MYO10: variants seen among roughly 807,000 people sequenced by gnomAD.
The protein encoded by MYO10 is myosin X, also known as unconventional myosin-X.
In MYO10, 133 loss-of-function variants were observed where a neutral mutation model predicts 257.3. That is an observed-to-expected ratio of 0.52 (90% CI 0.45 to 0.60). The LOEUF is 0.60. Ranked by LOEUF, MYO10 falls within the 20% of genes least tolerant of loss-of-function variation. The probability of loss-of-function intolerance (pLI) is 0.00; values close to 1 mark genes in which losing one functional copy is unlikely to be tolerated. For synonymous variants in MYO10, 1,104 were observed against 1,028.6 expected (o/e 1.07, Z -1.40); for missense variants, 2,399 against 2,635.7 (o/e 0.91, Z 1.97).
Position 16,675,109 on chromosome 5 carries a change from T to C in MYO10, c.4708A>G (p.Ile1570Val). 3 of 1,613,984 alleles carry C rather than the reference T, an allele frequency of 1.9e-6. No individual in the cohort carries two copies. The highest frequency in any genetic ancestry group is 2.5e-6 in the Non-Finnish European group (3 of 1,179,892). ...TGCTGCAGGGAATTGAATATCTTGATGGCCTCATCCTGAAGGGTGGTATAG... is the reference window on the plus strand; with the variant it reads ...TGCTGCAGGGAATTGAATATCTTGACGGCCTCATCCTGAAGGGTGGTATAG... ...KGYTTLQDEA[I>V]KIFNSLQQLE... Residue 1570 changes from isoleucine to valine, a missense_variant, in exon 35 of 41, where the codon ATC (isoleucine) becomes GTC (valine). Coordinates refer to ENST00000513610, the MANE Select transcript of MYO10 (RefSeq NM_012334.3).
At chr5:16,677,012 T>G (rs140815355) in intron 33 of MYO10, among the ~76,000 whole-genome samples, 1 of 152,162 alleles carries the variant, frequency 6.6e-6, no homozygotes, top group Admixed American at 6.5e-5. Flanking sequence ...CACACATTAA[T>G]ATATTCTTGG....
chr5:16,935,704 A>G lies in MYO10; in HGVS notation c.21+84T>C, dbSNP rs371281143. 2.9e-4 allele frequency: 457 copies of G among 1,567,650 alleles called. No homozygotes were observed. In the African/African-American group the frequency reaches 5.6e-3, roughly 19 times the overall value. ...AGTTGCGCCTTCCAGGGCTTAGGAA[A>G]AAGTACCCAGGGCGCGCGGCGTGGT... On this transcript the variant is annotated intron_variant, in intron 1 of 40. Coordinates refer to ENST00000513610, the MANE Select transcript of MYO10 (RefSeq NM_012334.3).
intron 3 of MYO10, among the ~76,000 whole-genome samples, chr5:16,806,264 C>T (rs1742273087): frequency 6.7e-6 from 1 of 149,658 alleles, no homozygotes; most frequent in African/African-American, 2.5e-5. Flanking sequence ...GTAGAAGAAT[C>T]GGGAGGTGGA....
chr5:16,707,402 TG>T (rs1738395131), intron 21 of MYO10, among the ~76,000 whole-genome samples: 1 of 152,234 alleles, frequency 6.6e-6, no homozygotes, highest in Non-Finnish European at 1.5e-5. Context: ...CCAAAGCAGC[TG>T]AGCAAAGGGT....
intron 1 of MYO10, among the ~76,000 whole-genome samples, chr5:16,906,687 G>A (rs1745528803): frequency 6.6e-6 from 1 of 152,002 alleles, no homozygotes. Flanking sequence ...CAATCACTAG[G>A]TTGGCCAAAA....
intron 3 of MYO10, among the ~76,000 whole-genome samples, chr5:16,814,210 C>T (rs1165784485): frequency 2.6e-5 from 4 of 152,190 alleles, no homozygotes; most frequent in African/African-American, 7.2e-5. Context: ...TGCGCGATCT[C>T]GGCTCACTGC....
chr5:16,673,705 T>G lies in MYO10; in HGVS notation c.5149A>C (p.Asn1717His). The change falls in exon 36 of 41, where the codon AAC (asparagine) becomes CAC (histidine). Residue 1717 changes from asparagine (N) to histidine (H), a missense_variant. By Grantham distance (68) the Asn-to-His change is moderately conservative (BLOSUM62 1). Coordinates refer to ENST00000513610, the MANE Select transcript of MYO10 (RefSeq NM_012334.3). ...ACCTCCCCAGCGGTGGTGTGGGAGT[T>G]GATGGTGATCTTGCAGGAGCCGCCG... ...HGGGSCKITINSHTTAGEVVE... is the reference protein window; with the variant it reads ...HGGGSCKITIHSHTTAGEVVE... 6.2e-7 allele frequency: 1 copy of G among 1,613,778 alleles called. No homozygotes were observed. The highest frequency in any genetic ancestry group is 8.5e-7 in the Non-Finnish European group (1 of 1,179,818).
chr5:16,695,910 G>T (rs188861658), intron 26 of MYO10, among the ~76,000 whole-genome samples: 468 of 152,278 alleles, frequency 3.1e-3, no homozygotes, highest in Middle Eastern at 0.014. Flanking sequence ...GACATCTTTG[G>T]TAATTGTGCC....
At chr5:16,762,943 G>A (rs31512) in intron 14 of MYO10, among the ~76,000 whole-genome samples, 19,083 of 147,620 alleles carry the variant, frequency 0.13, 1,212 homozygotes, top group Middle Eastern at 0.18. Flanking sequence ...CAGCCTGGGC[G>A]ACAGAGTGAG....
chr5:16,787,630 A>C (rs1001448599), intron 4 of MYO10, among the ~76,000 whole-genome samples: 1 of 141,038 alleles, frequency 7.1e-6, no homozygotes, highest in East Asian at 2.0e-4. Context: ...AAAAAAAAAA[A>C]AAAACTTTCT....
At chr5:16,715,879 A>C (rs1738849078) in intron 19 of MYO10, among the ~76,000 whole-genome samples, 1 of 152,090 alleles carries the variant, frequency 6.6e-6, no homozygotes, top group Non-Finnish European at 1.5e-5. Context: ...AATATGGTGA[A>C]ACCTTGTCTC....
chr5:16,794,613 T>C (rs767255802), intron 4 of MYO10, 33 bp downstream of exon 4: 10 of 1,573,874 alleles, frequency 6.4e-6, no homozygotes, highest in African/African-American at 1.3e-5. Context: ...TCCTGGGCCA[T>C]GGGAAAGTCC....
intron 26 of MYO10, among the ~76,000 whole-genome samples, chr5:16,698,589 GCTCT>G (rs1003431553): frequency 6.0e-5 from 9 of 150,340 alleles, no homozygotes; most frequent in African/African-American, 2.2e-4. Context: ...ATCCTTTTAG[GCTCT>G]CTAATATCCC....
intron 9 of MYO10, among the ~76,000 whole-genome samples, chr5:16,772,466 G>A (rs565102870): frequency 2.6e-4 from 40 of 152,322 alleles, no homozygotes; most frequent in South Asian, 2.5e-3. Context: ...TTATGCACAT[G>A]ATATAGAGGC....
chr5:16,895,442 C>T (rs769628814), intron 1 of MYO10, among the ~76,000 whole-genome samples: 26 of 152,146 alleles, frequency 1.7e-4, no homozygotes, highest in Non-Finnish European at 2.9e-4. Context: ...GAAAGTTCCT[C>T]CTAGTTCCTA....
intron 36 of MYO10, among the ~76,000 whole-genome samples, chr5:16,673,191 G>GT (rs70940397): frequency 0.014 from 1,856 of 129,440 alleles, 10 homozygotes; most frequent in Non-Finnish European, 0.021. Flanking sequence ...TCCAGATGAC[G>GT]TTTTTTTTTT....
chr5:16,910,137 T>C (rs1175868755), intron 1 of MYO10, among the ~76,000 whole-genome samples: 13 of 152,182 alleles, frequency 8.5e-5, no homozygotes, highest in Admixed American at 3.3e-4. Context: ...TTTAGGGGTA[T>C]TGAAATTGTT....
intron 19 of MYO10, among the ~76,000 whole-genome samples, chr5:16,740,256 G>A (rs1739969121): frequency 6.6e-6 from 1 of 152,132 alleles, no homozygotes; most frequent in African/African-American, 2.4e-5. Flanking sequence ...CGCTGGGGGA[G>A]CAAAGTGAGC....
At chr5:16,819,865 G>A (rs1016469021) in intron 2 of MYO10, among the ~76,000 whole-genome samples, 2 of 152,174 alleles carry the variant, frequency 1.3e-5, no homozygotes, top group African/African-American at 4.8e-5. Flanking sequence ...TAGCATTTCT[G>A]CCACATGAAC....
Sources: allele counts gnomAD v4.1 joint callset (sites outside exome capture counted in the v4.1 genomes callset), GRCh38; gene constraint gnomAD v4.1.1; transcripts MANE v1.5; gene names NCBI Gene and HGNC (gene_info 2026-07-23, HGNC 2026-07-21).